Variants in FAM186B observed in about 807,000 individuals in gnomAD.
FAM186B encodes protein FAM186B.
FAM186B carries 68 observed loss-of-function variants against 83.4 expected under a neutral mutation model. The ratio of observed to expected loss-of-function variants is 0.81; its 90% CI spans 0.67 to 1.00. The LOEUF (loss-of-function observed/expected upper bound fraction) is 1.00, where lower values mean the gene tolerates loss of function less well. Ranked by LOEUF, FAM186B falls within the 50% of genes least tolerant of loss-of-function variation. The pLI, the probability that FAM186B is intolerant of heterozygous loss-of-function variation, is 0.00. For missense variants in FAM186B, 983 were observed against 1,099.2 expected (o/e 0.89, Z 1.49); for synonymous variants, 389 against 422.0 (o/e 0.92, Z 0.96).
downstream of FAM186B, among the ~76,000 whole-genome samples, chr12:49,586,085 A>C (rs1402732893): frequency 6.6e-6 from 1 of 152,240 alleles, no homozygotes; most frequent in East Asian, 1.9e-4. Flanking sequence ...CTGCCTCTGC[A>C]CCTGGTGGTG....
At chr12:49,615,308 A>G in the FAM186B span, among the ~76,000 whole-genome samples, 5 of 152,338 alleles carry the variant, frequency 3.3e-5, no homozygotes, top group African/African-American at 1.2e-4. Flanking sequence ...TACAAATGGA[A>G]AAAAGTAAAA....
chr12:49,595,276 T>C, intron 5 of FAM186B: 1 of 683,394 alleles, frequency 1.5e-6, no homozygotes, highest in Non-Finnish European at 2.6e-6. Context: ...TGTTTTCATT[T>C]GTCCTGATGC....
intron 4 of FAM186B, 33 bp from the exon 5 acceptor site, chr12:49,598,980 G>C: frequency 6.2e-7 from 1 of 1,604,272 alleles, no homozygotes; most frequent in South Asian, 1.1e-5. Flanking sequence ...TTAGGGGGTG[G>C]AGAGGCCTCC....
chr12:49,589,651 AAAGAC>A (rs1417297604), intron 5 of FAM186B, among the ~76,000 whole-genome samples: 2 of 152,158 alleles, frequency 1.3e-5, no homozygotes, highest in Admixed American at 1.3e-4. Context: ...GTGAAAAAAA[AAAGAC>A]AAAGAAGTTA....
upstream of FAM186B, among the ~76,000 whole-genome samples, chr12:49,607,203 G>A (rs572244961): frequency 6.6e-6 from 1 of 152,032 alleles, no homozygotes; most frequent in African/African-American, 2.4e-5. Flanking sequence ...AATAAGAATA[G>A]AGACCAATAG....
intron 5 of FAM186B, among the ~76,000 whole-genome samples, chr12:49,592,659 G>T (rs1006620357): frequency 1.3e-5 from 2 of 151,988 alleles, no homozygotes; most frequent in East Asian, 3.9e-4. Flanking sequence ...GGTGGCGGGT[G>T]CCTGTAATCC....
chr12:49,586,834 C>G (rs1225665782), downstream of FAM186B, among the ~76,000 whole-genome samples: 1 of 152,146 alleles, frequency 6.6e-6, no homozygotes, highest in African/African-American at 2.4e-5. Flanking sequence ...AGGGATTCGC[C>G]CTCTTTGATG....
At chr12:49,621,230 A>G in the FAM186B span, among the ~76,000 whole-genome samples, 1 of 152,120 alleles carries the variant, frequency 6.6e-6, no homozygotes, top group African/African-American at 2.4e-5. Context: ...TAAAAATACA[A>G]AAATTCGCCG....
chr12:49,604,222 C>T, intron 2 of FAM186B, 91 bp downstream of exon 2: 1 of 994,340 alleles, frequency 1.0e-6, no homozygotes, highest in Middle Eastern at 3.0e-4. Flanking sequence ...GAATGCTTCA[C>T]TGGAGAAGGG....
intron 5 of FAM186B, among the ~76,000 whole-genome samples, chr12:49,590,611 G>T (rs138194007): frequency 6.6e-6 from 1 of 152,102 alleles, no homozygotes; most frequent in Non-Finnish European, 1.5e-5. Context: ...TGGTGGGGAG[G>T]GGGTGAAAGA....
chr12:49,600,747 TCTAC>T lies in FAM186B; in HGVS notation c.889_892del (p.Val297ArgfsTer3), dbSNP rs1168021211. The T allele has an allele frequency of 1.2e-6, 2 of 1,614,066 alleles. No homozygotes were observed. Among genetic ancestry groups the T allele is most frequent in the Admixed American group, 3.3e-5 (2 of 60,018 alleles). On this transcript the variant is annotated frameshift_variant, in exon 4 of 7. Transcript: ENST00000257894. LOFTEE classifies it high-confidence loss of function. This position sits in a 1 kb window ranked among gnomAD's most constrained non-coding sequence, Gnocchi z 4.3. ...GTCATGGTACCTTCCCCCTAAGATC[TCTAC>T]CTGCTTCAGCAGAGCATCCCTCCTG...
intron 1 of FAM186B, 111 bp from the exon 2 acceptor site, chr12:49,604,649 CTTATAT>C: frequency 7.8e-6 from 6 of 765,934 alleles, no homozygotes; most frequent in South Asian, 1.8e-5. Context: ...TCTCAGTTTT[CTTATAT>C]TTAAAGTGGG....
Position 49,599,481 on chromosome 12 carries a change from A to G in FAM186B, c.2159T>C (p.Leu720Pro), listed in dbSNP as rs753480309. The change falls in exon 4 of 7, where the codon CTC becomes CCC. Residue 720 changes from leucine to proline, a missense_variant. Physicochemically the swap from Leu to Pro is moderately conservative, Grantham distance 98. Coordinates refer to ENST00000257894, the MANE Select transcript of FAM186B (RefSeq NM_032130.3). Reference sequence around the variant, plus strand: ...AGGGAGGACCTACCGGAGGCTCTGGAGGCGTCTATAGAAGATGTACTTATG... The same window carrying G: ...AGGGAGGACCTACCGGAGGCTCTGGGGGCGTCTATAGAAGATGTACTTATG... Reference protein sequence around the residue: ...LCHKYIFYRRLQSLRQEAINH... With the variant: ...LCHKYIFYRRPQSLRQEAINH... 2.6e-6 allele frequency: 4 copies of G among 1,533,598 alleles called. No individual in the cohort carries two copies. The highest frequency in any genetic ancestry group is 3.5e-6 in the Non-Finnish European group (4 of 1,143,102). The allele number at this position is 1,533,598 out of a possible 1,614,324, so 95.0% of individuals were successfully genotyped here. A position where few individuals can be genotyped will look rare whatever the true frequency, so the allele number is the denominator to read the frequency against.
chr12:49,602,607 C>CT (rs1275663685), intron 3 of FAM186B, among the ~76,000 whole-genome samples: 3 of 152,210 alleles, frequency 2.0e-5, no homozygotes, highest in Non-Finnish European at 4.4e-5. Flanking sequence ...AATTCAAACT[C>CT]TTGAGTGAGA....
chr12:49,585,536 G>A (rs568489180), downstream of FAM186B, among the ~76,000 whole-genome samples: 11 of 152,326 alleles, frequency 7.2e-5, no homozygotes, highest in East Asian at 1.7e-3. Flanking sequence ...TTTGAGGGAT[G>A]CAATCTTCTA....
Position 49,588,500 on chromosome 12 carries a change from G to A in FAM186B, c.2488C>T (p.Pro830Ser), listed in dbSNP as rs1307858236. Reference protein sequence around the residue: ...IRPSGPTYKQPFLSRHRACVP... With the variant: ...IRPSGPTYKQSFLSRHRACVP... ...CATGCCCGGTGCCTAGACAGAAAGG[G>A]CTGCTTGTAGGTGGGGCCACTGGGG... The change falls in exon 6 of 7, where the codon CCC becomes TCC. Residue 830 changes from proline (P) to serine (S), a missense_variant. By Grantham distance (74) the Pro-to-Ser change is moderately conservative. Coordinates refer to ENST00000257894, the MANE Select transcript of FAM186B (RefSeq NM_032130.3). 1.2e-6 allele frequency: 2 copies of A among 1,613,546 alleles called. No individual in the cohort carries two copies. The highest frequency in any genetic ancestry group is 1.1e-5 in the South Asian group (1 of 90,950).
At chr12:49,590,786 C>G (rs751467424) in intron 5 of FAM186B, among the ~76,000 whole-genome samples, 1 of 152,060 alleles carries the variant, frequency 6.6e-6, no homozygotes, top group Non-Finnish European at 1.5e-5. Context: ...AGGGCATGGT[C>G]CCCTGAGGGG....
At chr12:49,601,160 CA>C in intron 3 of FAM186B, 26 bp from the exon 4 acceptor site, 1 of 1,519,258 alleles carries the variant, frequency 6.6e-7, no homozygotes, top group Non-Finnish European at 8.8e-7. Flanking sequence ...AGAAAAAAGT[CA>C]ACGATTTCTC....
In FAM186B at chr12:49,605,457, T is replaced by G; in HGVS notation, c.21A>C (p.Pro7=). The change falls in exon 1 of 7, where the codon CCA becomes CCC. Residue 7 remains proline (P), a synonymous_variant. Coordinates refer to ENST00000257894, the MANE Select transcript of FAM186B (RefSeq NM_032130.3). ...TCACTGATGTGGGAGTCACCAACTG[T>G]GGGGGGTCATCCTTCTCCATTTTGG... is the stretch of plus-strand genomic sequence containing the variant. MEKDDP[P]QLVTPTSVKA... 6.2e-7 allele frequency: 1 copy of G among 1,613,700 alleles called. No homozygotes were observed. The highest frequency in any genetic ancestry group is 8.5e-7 in the Non-Finnish European group (1 of 1,179,860).
Sources: gnomAD v4.1 joint callset for allele counts (sites outside exome capture counted in the v4.1 genomes callset) on GRCh38, gnomAD v4.1.1 for gene constraint, Gnocchi (gnomAD v3.1) non-coding constraint, MANE v1.5 for transcripts, NCBI Gene and HGNC (gene_info 2026-07-23, HGNC 2026-07-21) for gene names.